The following GRIA4 variants were observed in gnomAD, a reference collection of about 807,000 sequenced individuals.
The protein encoded by GRIA4 is glutamate receptor 4.
A neutral mutation model predicts 104.0 loss-of-function variants in GRIA4; 34 were observed. That is an observed-to-expected ratio of 0.33 (90% CI 0.25 to 0.44). The LOEUF is 0.44. GRIA4 is among the 20% of genes least tolerant of loss of function. The pLI is 1.00. For missense variants in GRIA4, 750 were observed against 1,096.5 expected, an observed-to-expected ratio of 0.68 and a Z score of 4.46; for synonymous variants, 386 against 381.9, an observed-to-expected ratio of 1.01 and a Z score of -0.13.
intron 3 of GRIA4, among the ~76,000 whole-genome samples, chr11:105,629,764 C>G (rs1206565593): frequency 6.6e-6 from 1 of 152,138 alleles, no homozygotes; most frequent in African/African-American, 2.4e-5. Context: ...AATCTTTTGG[C>G]ATTTTAGTCT....
chr11:105,796,662 G>T (rs1476342127), intron 4 of GRIA4, among the ~76,000 whole-genome samples: 2 of 152,094 alleles, frequency 1.3e-5, no homozygotes, highest in African/African-American at 2.4e-5. Context: ...GGGAAACTAA[G>T]AAAGTAACAT....
At chr11:105,760,017 A>G (rs1329806650) in intron 4 of GRIA4, among the ~76,000 whole-genome samples, 1 of 152,138 alleles carries the variant, frequency 6.6e-6, no homozygotes, top group East Asian at 1.9e-4. Flanking sequence ...CACTTATATA[A>G]CAATGACTTC....
intron 3 of GRIA4, among the ~76,000 whole-genome samples, chr11:105,650,440 A>G (rs1476432599): frequency 1.3e-5 from 2 of 152,152 alleles, no homozygotes; most frequent in Non-Finnish European, 2.9e-5. Context: ...AAAATAGGAC[A>G]CCAGTGGTGA....
rs541715235 is a variant in GRIA4, at chr11:105,974,719, T to C, written c.2544+275T>C. ...CGGTTTTCTTTGGCTGCAGATGTAC[T>C]GTTTGAAACTTTATGTTGCCAATAG... is the stretch of plus-strand genomic sequence containing the variant. On this transcript the variant is annotated intron_variant, in intron 16 of 16. Coordinates refer to ENST00000282499, the MANE Select transcript of GRIA4 (RefSeq NM_000829.4). 1.5e-5 allele frequency: 9 copies of C among 618,032 alleles called. No homozygotes were observed. In the Admixed American group the frequency reaches 2.1e-4, roughly 15 times the overall value. The allele number at this position is 618,032 out of a possible 1,614,324, so 38.3% of individuals were successfully genotyped here. A position where few individuals can be genotyped will look rare whatever the true frequency, so the allele number is the denominator to read the frequency against.
At chr11:105,711,305 T>G (rs1272081938) in intron 3 of GRIA4, among the ~76,000 whole-genome samples, 1 of 151,932 alleles carries the variant, frequency 6.6e-6, no homozygotes, top group Admixed American at 6.6e-5. Flanking sequence ...GGGATAGCAT[T>G]AGGAGATATA....
At chr11:105,867,140 C>G (rs558120120) in intron 5 of GRIA4, among the ~76,000 whole-genome samples, 2 of 152,192 alleles carry the variant, frequency 1.3e-5, no homozygotes, top group East Asian at 3.9e-4. Flanking sequence ...GACCTTCCCA[C>G]ACTGTTTGCA....
intron 3 of GRIA4, among the ~76,000 whole-genome samples, chr11:105,731,977 CAACAAACCT>C (rs1938623815): frequency 6.6e-6 from 1 of 151,988 alleles, no homozygotes; most frequent in Non-Finnish European, 1.5e-5. Flanking sequence ...TATACCTATG[CAACAAACCT>C]GCACGTTCTG....
intron 4 of GRIA4, among the ~76,000 whole-genome samples, chr11:105,779,704 A>G (rs1172833730): frequency 6.6e-6 from 1 of 152,150 alleles, no homozygotes; most frequent in African/African-American, 2.4e-5. Context: ...TGCATTGCCA[A>G]GTCAATCCTA....
intron 3 of GRIA4, among the ~76,000 whole-genome samples, chr11:105,648,549 G>A (rs952751054): frequency 6.7e-6 from 1 of 149,938 alleles, no homozygotes; most frequent in East Asian, 1.9e-4. Flanking sequence ...ATCAATAAAT[G>A]CAAAAAGAAA....
chr11:105,821,732 A>C (rs1430770851), intron 4 of GRIA4, among the ~76,000 whole-genome samples: 4 of 152,104 alleles, frequency 2.6e-5, no homozygotes, highest in Admixed American at 2.6e-4. Context: ...TCCAAAGTAT[A>C]TCAGAGACTC....
Position 105,682,653 on chromosome 11 carries a change from C to T in GRIA4, c.247+70219C>T, listed in dbSNP as rs545716504. Among the ~76,000 whole-genome samples the T allele has an allele frequency of 2.6e-5, 4 of 152,298 alleles. No homozygotes were observed. The South Asian group carries it at 8.3e-4, about 32-fold the overall frequency. On this transcript the variant is annotated intron_variant, in intron 3 of 16. Transcript: ENST00000282499. ...ACTCTCCAACCCTGAGCACGAAAAG[C>T]AATCATGCTCAGATTTTTCTTTTTT... is the stretch of plus-strand genomic sequence containing the variant.
intron 6 of GRIA4, among the ~76,000 whole-genome samples, chr11:105,891,287 G>A (rs574319569): frequency 6.6e-5 from 10 of 152,170 alleles, no homozygotes; most frequent in African/African-American, 2.4e-4. Context: ...TTGCTAATAC[G>A]TGTCTCACTT....
intron 3 of GRIA4, among the ~76,000 whole-genome samples, chr11:105,686,036 G>A (rs1306669966): frequency 1.3e-5 from 2 of 152,044 alleles, no homozygotes; most frequent in Non-Finnish European, 2.9e-5. Flanking sequence ...ATGCAATAAA[G>A]GCCAGGATAA....
At chr11:105,719,766 T>A (rs75721461) in intron 3 of GRIA4, among the ~76,000 whole-genome samples, 5,117 of 150,770 alleles carry the variant, frequency 0.034, 195 homozygotes, top group African/African-American at 0.09. Flanking sequence ...ATAGGGAAAG[T>A]CAATGATTGG....
At chr11:105,661,367 C>T (rs1471872150) in intron 3 of GRIA4, among the ~76,000 whole-genome samples, 2 of 151,448 alleles carry the variant, frequency 1.3e-5, no homozygotes, top group South Asian at 2.1e-4. Context: ...TCACTACCCC[C>T]TAGAAATTGC....
intron 11 of GRIA4, 99 bp from the exon 12 acceptor site, chr11:105,924,300 T>C (rs1776097647): frequency 1.2e-6 from 1 of 815,374 alleles, no homozygotes. Flanking sequence ...AAATGTAGAA[T>C]AAACGCATGA....
intron 4 of GRIA4, among the ~76,000 whole-genome samples, chr11:105,804,345 AACACACATGCACAC>A (rs1215062541): frequency 8.0e-6 from 1 of 124,730 alleles, no homozygotes; most frequent in African/African-American, 3.1e-5. Flanking sequence ...AAAACACACA[AACACACATGCACAC>A]ACACACACAC....
chr11:105,877,032 T>C (rs543296184), intron 5 of GRIA4, among the ~76,000 whole-genome samples: 41 of 152,308 alleles, frequency 2.7e-4, no homozygotes, highest in Non-Finnish European at 3.5e-4. Flanking sequence ...ATTGAGTATG[T>C]TTTTTGCAGT....
chr11:105,663,998 C>T (rs923061619), intron 3 of GRIA4, among the ~76,000 whole-genome samples: 3 of 150,734 alleles, frequency 2.0e-5, no homozygotes, highest in African/African-American at 7.3e-5. Flanking sequence ...TAATATTTAC[C>T]TTGCAGGGTT....
Sources: allele counts gnomAD v4.1 joint callset (sites outside exome capture counted in the v4.1 genomes callset), GRCh38; gene constraint gnomAD v4.1.1; transcripts MANE v1.5; gene names NCBI Gene and HGNC (gene_info 2026-07-23, HGNC 2026-07-21).